The following ACOT1 variants were observed in gnomAD, a reference collection of about 807,000 sequenced individuals.
The protein encoded by ACOT1 is acyl-coenzyme A thioesterase 1.
A neutral mutation model predicts 15.7 loss-of-function variants in ACOT1; 8 were observed. The ratio of observed to expected loss-of-function variants is 0.51; its 90% CI spans 0.30 to 0.92. ACOT1 has a LOEUF of 0.92. Among genes scored for constraint, ACOT1 ranks in the 40% least tolerant of loss-of-function variants. The pLI is 0.06. For missense variants in ACOT1, 151 were observed against 539.4 expected (o/e 0.28, Z 7.13); for synonymous variants, 67 against 241.2 (o/e 0.28, Z 6.69).
At chr14:73,504,787 T>A in the ACOT1 span, among the ~76,000 whole-genome samples, 1 of 152,142 alleles carries the variant, frequency 6.6e-6, no homozygotes, top group Non-Finnish European at 1.5e-5. Flanking sequence ...TCCAAAGTTA[T>A]AAGGAAAAGA....
At chr14:73,519,201 C>G in the ACOT1 span, 1 of 1,573,108 alleles carries the variant, frequency 6.4e-7, no homozygotes, top group Non-Finnish European at 8.6e-7. Flanking sequence ...CCCCTATAAC[C>G]TCCCTATTTC....
the ACOT1 span, among the ~76,000 whole-genome samples, chr14:73,501,966 C>T: frequency 2.0e-5 from 3 of 150,950 alleles, no homozygotes; most frequent in South Asian, 2.1e-4. Flanking sequence ...AGGATGGTCT[C>T]GATCTCCTGA....
the ACOT1 span, chr14:73,491,050 G>A: frequency 1.3e-6 from 2 of 1,589,348 alleles, no homozygotes; most frequent in Non-Finnish European, 1.7e-6. Context: ...CAGGGCCGTT[G>A]AGGCGCGGGC....
At chr14:73,533,044 G>C (rs1192708780), upstream of ACOT1, among the ~76,000 whole-genome samples, 1 of 115,250 alleles carries the variant, frequency 8.7e-6, no homozygotes, top group African/African-American at 2.8e-5. Context: ...AGGATCCTTT[G>C]AGCCCAGGAG....
the ACOT1 span, among the ~76,000 whole-genome samples, chr14:73,529,830 A>G: frequency 4.4e-4 from 67 of 151,464 alleles, no homozygotes; most frequent in Admixed American, 3.3e-3. Flanking sequence ...AAGCCTTAGT[A>G]TCAGTATCTT....
At chr14:73,505,507 G>A in the ACOT1 span, among the ~76,000 whole-genome samples, 3 of 151,392 alleles carry the variant, frequency 2.0e-5, no homozygotes, top group Non-Finnish European at 4.4e-5. Context: ...AGCAATTCTT[G>A]TGCCTCAGCC....
chr14:73,499,319 A>G, the ACOT1 span, among the ~76,000 whole-genome samples: 1 of 152,118 alleles, frequency 6.6e-6, no homozygotes, highest in Non-Finnish European at 1.5e-5. Flanking sequence ...TGTCTCTACT[A>G]AAAATACAAA....
the ACOT1 span, chr14:73,502,882 G>C: frequency 6.3e-7 from 1 of 1,590,526 alleles, no homozygotes; most frequent in Non-Finnish European, 8.6e-7. Context: ...TCCTCATGTT[G>C]ACTGGGTCTT....
the ACOT1 span, chr14:73,509,613 C>T: frequency 1.2e-6 from 1 of 803,476 alleles, no homozygotes; most frequent in African/African-American, 1.7e-5. Flanking sequence ...TACAGTTTAG[C>T]TGAGCCCTTC....
chr14:73,491,105 C>G, the ACOT1 span: 1 of 1,606,214 alleles, frequency 6.2e-7, no homozygotes, highest in Non-Finnish European at 8.5e-7. Flanking sequence ...CGGGTCGGTC[C>G]TGGCCCTGCC....
intron 1 of ACOT1, among the ~76,000 whole-genome samples, chr14:73,540,982 T>C (rs1414584391): frequency 8.6e-6 from 1 of 116,026 alleles, no homozygotes; most frequent in Non-Finnish European, 1.9e-5. Context: ...CCTCAGGTGA[T>C]CCACCCGTCT....
In ACOT1 at chr14:73,542,044, C is replaced by T. The variant is rs1345791737; in HGVS notation, c.660+349C>T. Among the ~76,000 whole-genome samples, 6 of 112,558 alleles carry T rather than the reference C, an allele frequency of 5.3e-5. 2 individuals carry two copies. The highest frequency in any genetic ancestry group is 9.0e-5 in the African/African-American group (3 of 33,434). The allele number at this position is 112,558 out of a possible 152,430, so 73.8% of individuals were successfully genotyped here. ...ATAATTTTTGTATTTTCAGTAGAGA[C>T]GGGGTTTCACAATATTTGTCAGGCT... On this transcript the variant is annotated intron_variant, in intron 2 of 2. Transcript: ENST00000311148.
At chr14:73,521,520 G>T in the ACOT1 span, among the ~76,000 whole-genome samples, 1 of 152,152 alleles carries the variant, frequency 6.6e-6, no homozygotes, top group Non-Finnish European at 1.5e-5. Flanking sequence ...TTTGCAGAGT[G>T]CCTGGAAAGT....
At chr14:73,502,683 G>A in the ACOT1 span, among the ~76,000 whole-genome samples, 1 of 152,160 alleles carries the variant, frequency 6.6e-6, no homozygotes, top group Admixed American at 6.6e-5. Flanking sequence ...GAGTAGCTGG[G>A]ATGACAGGCA....
the ACOT1 span, among the ~76,000 whole-genome samples, chr14:73,512,566 ATAC>A: frequency 1.3e-4 from 20 of 152,340 alleles, no homozygotes; most frequent in South Asian, 3.9e-3. Flanking sequence ...TACAGGCATA[ATAC>A]TAGAACCCAC....
the ACOT1 span, among the ~76,000 whole-genome samples, chr14:73,502,560 T>A: frequency 6.6e-6 from 1 of 152,052 alleles, no homozygotes; most frequent in African/African-American, 2.4e-5. Flanking sequence ...AAGCACTTTT[T>A]TTTTTTGAGA....
the ACOT1 span, among the ~76,000 whole-genome samples, chr14:73,516,890 C>T: frequency 6.6e-6 from 1 of 152,198 alleles, no homozygotes; most frequent in Non-Finnish European, 1.5e-5. Flanking sequence ...AAACCATCCC[C>T]ACCCCGCTGG....
chr14:73,520,787 G>A, the ACOT1 span: 96,915 of 1,447,510 alleles, frequency 0.067, 4,318 homozygotes, highest in South Asian at 0.16. Context: ...CCAGCCCCCA[G>A]CAATCTTCCA....
chr14:73,510,538 C>T, the ACOT1 span, among the ~76,000 whole-genome samples: 72 of 152,044 alleles, frequency 4.7e-4, 2 homozygotes, highest in South Asian at 3.3e-3. Flanking sequence ...TGGGTTCAGG[C>T]GATTCTTCTG....
Sources: gnomAD v4.1 joint callset for allele counts (sites outside exome capture counted in the v4.1 genomes callset) on GRCh38, gnomAD v4.1.1 for gene constraint, MANE v1.5 for transcripts, NCBI Gene and HGNC (gene_info 2026-07-23, HGNC 2026-07-21) for gene names.